Variants in PFKFB3 observed in about 807,000 individuals in gnomAD.
PFKFB3 encodes the protein 6-phosphofructo-2-kinase/fructose-2,6-bisphosphatase 3.
A neutral mutation model predicts 68.0 loss-of-function variants in PFKFB3; 33 were observed. The ratio of observed to expected loss-of-function variants is 0.49; its 90% confidence interval spans 0.37 to 0.65. The LOEUF (loss-of-function observed/expected upper bound fraction) is 0.65, where lower values mean the gene tolerates loss of function less well. PFKFB3 is among the 30% of genes least tolerant of loss of function. The pLI, the probability that PFKFB3 is intolerant of heterozygous loss-of-function variation, is 0.00. For missense variants in PFKFB3, 586 were observed against 712.2 expected (o/e 0.82, Z 2.02); for synonymous variants, 315 against 288.2 (o/e 1.09, Z -0.94).
At chr10:6,178,094 G>A (rs1227896628) in intron 1 of PFKFB3, among the ~76,000 whole-genome samples, 1 of 152,228 alleles carries the variant, frequency 6.6e-6, no homozygotes, top group Non-Finnish European at 1.5e-5. Flanking sequence ...CAGGCTGCAA[G>A]TGTTGGTTTG....
chr10:6,158,159 G>T (rs868439974), intron 1 of PFKFB3, among the ~76,000 whole-genome samples: 3 of 151,948 alleles, frequency 2.0e-5, no homozygotes, highest in African/African-American at 7.3e-5. Flanking sequence ...CGTGGTGGCG[G>T]GCGCCTGTGG....
At chr10:6,150,922 C>CT (rs1448269161) in intron 1 of PFKFB3, among the ~76,000 whole-genome samples, 1 of 151,372 alleles carries the variant, frequency 6.6e-6, no homozygotes, top group Admixed American at 6.7e-5. Flanking sequence ...CCGCTTGAAC[C>CT]TGGGGGGGCG....
At chr10:6,178,550 C>T (rs928926) in intron 1 of PFKFB3, among the ~76,000 whole-genome samples, 19,067 of 128,496 alleles carry the variant, frequency 0.15, 1,459 homozygotes, top group East Asian at 0.21. Flanking sequence ...GCCACTGACC[C>T]GGAGCTGCTG....
the PFKFB3 span, among the ~76,000 whole-genome samples, chr10:6,268,590 A>G: frequency 6.6e-6 from 1 of 152,038 alleles, no homozygotes; most frequent in South Asian, 2.1e-4. Flanking sequence ...GTGCCACTGC[A>G]CTCCAGCCTG....
chr10:6,227,611 G>A (rs567373525), intron 14 of PFKFB3, among the ~76,000 whole-genome samples: 2 of 152,326 alleles, frequency 1.3e-5, no homozygotes, highest in African/African-American at 4.8e-5. Flanking sequence ...GCCCAGTGTC[G>A]GGCATGTGGT....
intron 6 of PFKFB3, 126 bp from the exon 7 acceptor site, chr10:6,219,443 G>T (rs932233349): frequency 6.0e-6 from 6 of 996,386 alleles, no homozygotes; most frequent in Admixed American, 1.8e-5. Context: ...TCTCTTACAC[G>T]CTGGGCCGGA....
chr10:6,308,471 A>G, the PFKFB3 span, among the ~76,000 whole-genome samples: 2 of 152,182 alleles, frequency 1.3e-5, no homozygotes, highest in East Asian at 1.9e-4. Context: ...AGCCAAGATC[A>G]TGCCACTGCA....
Position 6,221,627 on chromosome 10 carries a change from C to T in PFKFB3, c.979-14C>T, listed in dbSNP as rs748347941. The T allele has an allele frequency of 1.2e-6, 2 of 1,609,736 alleles. No individual in the cohort carries two copies. Among genetic ancestry groups the T allele is most frequent in the African/African-American group, 2.7e-5 (2 of 74,882 alleles). ...TGTGGTTTGTTCCCCTGAGTGACCACTGGGTCCCCGCAGGGCGTCTGTGAG... is the reference window on the plus strand; with the variant it reads ...TGTGGTTTGTTCCCCTGAGTGACCATTGGGTCCCCGCAGGGCGTCTGTGAG... On this transcript the variant is annotated splice_polypyrimidine_tract_variant and intron_variant, in intron 9 of 14. Coordinates refer to ENST00000379775, the MANE Select transcript of PFKFB3 (RefSeq NM_004566.4).
At chr10:6,159,517 C>T (rs1390063655) in intron 1 of PFKFB3, among the ~76,000 whole-genome samples, 3 of 151,620 alleles carry the variant, frequency 2.0e-5, no homozygotes, top group South Asian at 2.1e-4. Context: ...GTCAAGAAAC[C>T]CGTCTCTACT....
At chr10:6,191,388 C>G (rs1843019410) in intron 1 of PFKFB3, among the ~76,000 whole-genome samples, 1 of 152,208 alleles carries the variant, frequency 6.6e-6, no homozygotes, top group Non-Finnish European at 1.5e-5. Flanking sequence ...GGCTCCTAGC[C>G]CCTGGACTAC....
intron 7 of PFKFB3, 103 bp downstream of exon 7, chr10:6,219,796 T>A (rs571465508): frequency 1.6e-4 from 205 of 1,314,108 alleles, no homozygotes; most frequent in South Asian, 4.5e-4. Flanking sequence ...TTTAAAAAAA[T>A]TTTTTTAAGA....
downstream of PFKFB3, among the ~76,000 whole-genome samples, chr10:6,254,808 C>CTTTTTTTTTTTTTTT (rs144888417): frequency 3.2e-5 from 2 of 61,622 alleles, no homozygotes; most frequent in African/African-American, 7.0e-5. Context: ...TTTTTCTGTT[C>CTTTTTTTTTTTTTTT]TTTTTTTTTT....
rs117223229 is a variant in PFKFB3, at chr10:6,229,499, C to A, written c.1515+3134C>A. On this transcript the variant is annotated intron_variant, in intron 14 of 14. Transcript: ENST00000379775. The surrounding 1 kb of genome is among the most constrained non-coding windows in gnomAD (Gnocchi z 4.3). ...CCGCAAGGCATGGGCAGCTGTTGGACCCTCGTGTACCCCCACAGCCACCCC... is the reference window on the plus strand; with the variant it reads ...CCGCAAGGCATGGGCAGCTGTTGGAACCTCGTGTACCCCCACAGCCACCCC... Among the ~76,000 whole-genome samples the A allele has an allele frequency of 0.014, 2,097 of 152,294 alleles. 117 individuals are homozygous for A. The highest frequency in any genetic ancestry group is 0.088 in the Admixed American group (1,341 of 15,296).
chr10:6,199,263 G>A (rs763924710), upstream of PFKFB3, among the ~76,000 whole-genome samples: 8 of 152,286 alleles, frequency 5.3e-5, no homozygotes, highest in South Asian at 2.1e-4. Context: ...TGGTTTGAAC[G>A]TTTTAACCTG....
At chr10:6,237,917 A>T (rs778683255), downstream of PFKFB3, among the ~76,000 whole-genome samples, 3 of 152,050 alleles carry the variant, frequency 2.0e-5, no homozygotes, top group Non-Finnish European at 4.4e-5. Context: ...AAGACAACAT[A>T]AGTGGGTTTG....
At chr10:6,294,072 G>A in the PFKFB3 span, 1 of 502,354 alleles carries the variant, frequency 2.0e-6, no homozygotes, top group Non-Finnish European at 4.0e-6. Context: ...GGAAGGTCTT[G>A]CTACCAACTG....
intron 14 of PFKFB3, among the ~76,000 whole-genome samples, chr10:6,226,728 AAAAC>A (rs1390989534): frequency 2.0e-5 from 3 of 152,184 alleles, no homozygotes; most frequent in Non-Finnish European, 2.9e-5. Flanking sequence ...GGTTATTTCT[AAAAC>A]AAAGAAAGTG....
chr10:6,178,893 A>G (rs75558948), intron 1 of PFKFB3, among the ~76,000 whole-genome samples: 1,660 of 152,314 alleles, frequency 0.011, 65 homozygotes, highest in East Asian at 0.098. Flanking sequence ...GACTCCCTTG[A>G]GAAGTGTCCC....
At chr10:6,173,255 T>C (rs1228327124) in intron 1 of PFKFB3, among the ~76,000 whole-genome samples, 1 of 152,134 alleles carries the variant, frequency 6.6e-6, no homozygotes, top group Non-Finnish European at 1.5e-5. Flanking sequence ...TTGCTGGTGG[T>C]CATGTTTGTG....
Sources: gnomAD v4.1 joint callset for allele counts (sites outside exome capture counted in the v4.1 genomes callset) on GRCh38, gnomAD v4.1.1 for gene constraint, Gnocchi (gnomAD v3.1) non-coding constraint, MANE v1.5 for transcripts, NCBI Gene and HGNC (gene_info 2026-07-23, HGNC 2026-07-21) for gene names.